Variants in ZRANB3 observed in about 807,000 individuals in gnomAD.
The protein encoded by ZRANB3 is zinc finger RANBP2-type containing 3, also known as DNA annealing helicase and endonuclease ZRANB3.
Under a neutral mutation model 133.8 loss-of-function variants are expected in ZRANB3, and 125 were observed. The observed-to-expected ratio is 0.93, with a 90% confidence interval of 0.81 to 1.08. The LOEUF (loss-of-function observed/expected upper bound fraction) is 1.08, where lower values mean the gene tolerates loss of function less well. Ranked by LOEUF, ZRANB3 falls within the 50% of genes least tolerant of loss-of-function variation. The pLI, the probability that ZRANB3 is intolerant of heterozygous loss-of-function variation, is 0.00. For synonymous variants in ZRANB3, 387 were observed against 432.7 expected, an observed-to-expected ratio of 0.89 and a Z score of 1.31; for missense variants, 1,229 against 1,275.5, an observed-to-expected ratio of 0.96 and a Z score of 0.56.
intron 2 of ZRANB3, among the ~76,000 whole-genome samples, chr2:135,415,376 T>C (rs1027041989): frequency 2.6e-5 from 4 of 152,044 alleles, no homozygotes; most frequent in African/African-American, 9.7e-5. Context: ...ATAAATTCCT[T>C]GACACACACA....
rs373737712 is a variant in ZRANB3, at chr2:135,216,685, C to T, written c.2495+780G>A. Among the ~76,000 whole-genome samples, 33 of 152,174 alleles carry T rather than the reference C, an allele frequency of 2.2e-4. No homozygotes were observed. In the South Asian group the frequency reaches 5.8e-3, roughly 27 times the overall value. ...GAACTCCTGGGCTCATGCAATCTAC[C>T]CGCCTTGGCCTCCCAAAGTGTTGGG... On this transcript the variant is annotated intron_variant, in intron 17 of 20. Coordinates refer to ENST00000264159, the MANE Select transcript of ZRANB3 (RefSeq NM_032143.4).
At chr2:135,349,188 C>A (rs1685081354) in intron 5 of ZRANB3, among the ~76,000 whole-genome samples, 1 of 152,130 alleles carries the variant, frequency 6.6e-6, no homozygotes, top group Non-Finnish European at 1.5e-5. Flanking sequence ...AGCTGTCACC[C>A]AGGCTTGGCT....
intron 12 of ZRANB3, among the ~76,000 whole-genome samples, chr2:135,262,936 A>C (rs926919700): frequency 6.6e-6 from 1 of 152,046 alleles, no homozygotes; most frequent in Admixed American, 6.6e-5. Flanking sequence ...TAGAGGTGAG[A>C]CTGGGGGATT....
At chr2:135,479,698 G>A (rs529653022) in intron 2 of ZRANB3, among the ~76,000 whole-genome samples, 6 of 151,828 alleles carry the variant, frequency 4.0e-5, no homozygotes, top group East Asian at 3.9e-4. Flanking sequence ...ATTGATACAC[G>A]CATACATAAC....
At chr2:135,406,363 A>G (rs1040934186) in intron 2 of ZRANB3, among the ~76,000 whole-genome samples, 22 of 152,330 alleles carry the variant, frequency 1.4e-4, no homozygotes, top group African/African-American at 4.3e-4. Flanking sequence ...CCAGGACCAG[A>G]TGGATTCACA....
At chr2:135,281,548 A>T (rs1558883851) in intron 8 of ZRANB3, among the ~76,000 whole-genome samples, 1 of 152,148 alleles carries the variant, frequency 6.6e-6, no homozygotes, top group Non-Finnish European at 1.5e-5. Flanking sequence ...TGGACATTAT[A>T]GGCTGCACTT....
chr2:135,525,170 TAA>T (rs1694099109), intron 1 of ZRANB3, among the ~76,000 whole-genome samples: 1 of 152,010 alleles, frequency 6.6e-6, no homozygotes, highest in African/African-American at 2.4e-5. Context: ...TAAAAAATAT[TAA>T]GAGACAATGA....
chr2:135,244,666 C>A (rs143113261), intron 12 of ZRANB3, among the ~76,000 whole-genome samples: 1 of 151,822 alleles, frequency 6.6e-6, no homozygotes, highest in South Asian at 2.1e-4. Flanking sequence ...AGAAACCTCC[C>A]CACAAAAAAA....
intron 8 of ZRANB3, among the ~76,000 whole-genome samples, chr2:135,305,829 T>C (rs1395537659): frequency 6.6e-6 from 1 of 152,212 alleles, no homozygotes; most frequent in African/African-American, 2.4e-5. Flanking sequence ...TCCTTTACTT[T>C]TGAAGGATAG....
intron 2 of ZRANB3, among the ~76,000 whole-genome samples, chr2:135,397,666 G>C (rs1027281177): frequency 6.6e-6 from 1 of 152,076 alleles, no homozygotes; most frequent in Non-Finnish European, 1.5e-5. Flanking sequence ...ATTTTAGCAG[G>C]AGGGCTACTA....
At chr2:135,494,716 T>C (rs577266896) in intron 2 of ZRANB3, among the ~76,000 whole-genome samples, 61 of 152,320 alleles carry the variant, frequency 4.0e-4, no homozygotes, top group Non-Finnish European at 8.2e-4. Flanking sequence ...TATGTACTGA[T>C]GCAGGAAAGA....
At chr2:135,373,889 T>A (rs1231026978) in intron 3 of ZRANB3, among the ~76,000 whole-genome samples, 1 of 146,836 alleles carries the variant, frequency 6.8e-6, no homozygotes, top group African/African-American at 2.5e-5. Flanking sequence ...AAAACTAACA[T>A]TTGTTGGGTA....
intron 6 of ZRANB3, among the ~76,000 whole-genome samples, chr2:135,318,518 T>C (rs1683367328): frequency 6.6e-6 from 1 of 152,156 alleles, no homozygotes; most frequent in Admixed American, 6.6e-5. Flanking sequence ...AATGCAAGTC[T>C]CAGAGTAATA....
At chr2:135,415,132 A>C (rs13008114) in intron 2 of ZRANB3, among the ~76,000 whole-genome samples, 1 of 149,534 alleles carries the variant, frequency 6.7e-6, no homozygotes, top group Non-Finnish European at 1.5e-5. Context: ...AATAGAGACA[A>C]AAAAAAAACC....
chr2:135,258,232 T>C (rs1679757376), intron 12 of ZRANB3, among the ~76,000 whole-genome samples: 1 of 152,208 alleles, frequency 6.6e-6, no homozygotes. Flanking sequence ...ATTGAGTGTA[T>C]TAAAAGTCAT....
At chr2:135,430,413 T>C (rs2104980849) in intron 2 of ZRANB3, among the ~76,000 whole-genome samples, 2 of 151,604 alleles carry the variant, frequency 1.3e-5, no homozygotes, top group East Asian at 3.9e-4. Flanking sequence ...GACTTTCTAA[T>C]ATATTATAAA....
intron 12 of ZRANB3, among the ~76,000 whole-genome samples, chr2:135,252,955 T>G (rs1002767585): frequency 1.3e-5 from 2 of 152,180 alleles, no homozygotes; most frequent in Non-Finnish European, 2.9e-5. Flanking sequence ...TGTCTGGCAT[T>G]TTTTGCCTCT....
chr2:135,519,163 G>A (rs1294578952), intron 1 of ZRANB3, among the ~76,000 whole-genome samples: 1 of 152,290 alleles, frequency 6.6e-6, no homozygotes, highest in South Asian at 2.1e-4. Context: ...CAACATGAGG[G>A]ATCCTCCTGG....
At chr2:135,452,195 A>G (rs1258005448) in intron 2 of ZRANB3, among the ~76,000 whole-genome samples, 2 of 152,160 alleles carry the variant, frequency 1.3e-5, no homozygotes, top group African/African-American at 2.4e-5. Flanking sequence ...TGATGAACCC[A>G]TCAGATCTTG....
Sources: allele counts gnomAD v4.1 joint callset (sites outside exome capture counted in the v4.1 genomes callset), GRCh38; gene constraint gnomAD v4.1.1; transcripts MANE v1.5; gene names NCBI Gene and HGNC (gene_info 2026-07-23, HGNC 2026-07-21).